Variants in TMSB15B observed in about 807,000 individuals in gnomAD.
TMSB15B encodes thymosin beta 15B.
At chrX:103,944,385 A>T (rs1332981292) in intron 1 of TMSB15B, among the ~76,000 whole-genome samples, 1 of 112,425 alleles carries the variant, frequency 8.9e-6, no homozygotes, top group Non-Finnish European at 1.9e-5. Flanking sequence ...AGTAAGTTGT[A>T]GAATCTGGAC....
chrX:103,933,901 A>G (rs1266634305), intron 1 of TMSB15B, among the ~76,000 whole-genome samples: 24 of 105,403 alleles, frequency 2.3e-4, no homozygotes, highest in Non-Finnish European at 4.7e-4. Flanking sequence ...TCTGGGGTAC[A>G]TTTGATATTT....
chrX:103,955,544 A>G (rs11092467), intron 1 of TMSB15B, among the ~76,000 whole-genome samples: 34,039 of 108,429 alleles, frequency 0.31, 4,868 homozygotes, highest in Middle Eastern at 0.51. Context: ...AGAATCTCAG[A>G]GCTTGAGGAC....
Position 103,945,524 on chromosome X carries a change from A to G in TMSB15B, c.-720-16497A>G, listed in dbSNP as rs1407993755. On this transcript the variant is annotated intron_variant, in intron 1 of 3. Transcript: ENST00000419165. ...GACTCACTCCCACCAGACTGCTTTAATCCCTTCATGAGAGTGAATCCTTAA... is the reference window on the plus strand; with the variant it reads ...GACTCACTCCCACCAGACTGCTTTAGTCCCTTCATGAGAGTGAATCCTTAA... Among the ~76,000 whole-genome samples the G allele has an allele frequency of 3.3e-4, 37 of 112,293 alleles. 1 individual carries two copies. In the Admixed American group the frequency reaches 3.5e-3, roughly 11 times the overall value.
intron 1 of TMSB15B, chrX:103,928,914 C>G: frequency 5.0e-6 from 6 of 1,206,551 alleles, no homozygotes; most frequent in Non-Finnish European, 6.7e-6. Context: ...ACCGTGGAGG[C>G]TCCCTGGTCA....
At chrX:103,953,153 G>A (rs2075042964) in intron 1 of TMSB15B, among the ~76,000 whole-genome samples, 1 of 111,199 alleles carries the variant, frequency 9.0e-6, no homozygotes, top group African/African-American at 3.3e-5. Flanking sequence ...GAAGTGGTGA[G>A]TGAATGTGTG....
intron 1 of TMSB15B, among the ~76,000 whole-genome samples, chrX:103,942,898 A>G (rs1193178134): frequency 8.9e-6 from 1 of 111,856 alleles, no homozygotes; most frequent in African/African-American, 3.2e-5. Flanking sequence ...AAAAACATAT[A>G]TCTCTTAAGA....
At chrX:103,922,432 C>G (rs1456710179) in intron 1 of TMSB15B, among the ~76,000 whole-genome samples, 10 of 102,549 alleles carry the variant, frequency 9.8e-5, no homozygotes, top group African/African-American at 3.6e-4. Flanking sequence ...GTTCAATTCC[C>G]ACCTATGAGT....
At chrX:103,939,898 C>G in intron 1 of TMSB15B, among the ~76,000 whole-genome samples, 1 of 111,837 alleles carries the variant, frequency 8.9e-6, no homozygotes, top group Non-Finnish European at 1.9e-5. Flanking sequence ...GTTGGTTTTC[C>G]TTCTATCAGG....
chrX:103,927,745 TG>T (rs2074972756), intron 1 of TMSB15B, among the ~76,000 whole-genome samples: 1 of 109,696 alleles, frequency 9.1e-6, no homozygotes, highest in Admixed American at 9.7e-5. Context: ...TCGTGAAAGT[TG>T]ATGCATTAAG....
At chrX:103,921,688 G>A (rs1377181102) in intron 1 of TMSB15B, among the ~76,000 whole-genome samples, 1 of 112,157 alleles carries the variant, frequency 8.9e-6, no homozygotes, top group Non-Finnish European at 1.9e-5. Context: ...AACCTTAGAA[G>A]CTTGAAGGTT....
At chrX:103,939,542 A>G (rs1161397614) in intron 1 of TMSB15B, among the ~76,000 whole-genome samples, 1 of 110,539 alleles carries the variant, frequency 9.0e-6, no homozygotes, top group Non-Finnish European at 1.9e-5. Flanking sequence ...GGTTTATTCT[A>G]GTTGGCAATT....
intron 1 of TMSB15B, among the ~76,000 whole-genome samples, chrX:103,922,399 T>A (rs2074956076): frequency 1.2e-5 from 1 of 83,653 alleles, no homozygotes; most frequent in East Asian, 4.4e-4. Context: ...ATGTTCCCCA[T>A]CCTGTGTCCA....
intron 1 of TMSB15B, among the ~76,000 whole-genome samples, chrX:103,926,445 G>T (rs1158712353): frequency 2.0e-4 from 15 of 73,652 alleles, no homozygotes; most frequent in Non-Finnish European, 3.7e-4. Flanking sequence ...AGAGTGGGGG[G>T]TATGAATGAG....
chrX:103,927,793 A>AGT (rs2074972914), intron 1 of TMSB15B, among the ~76,000 whole-genome samples: 1 of 110,196 alleles, frequency 9.1e-6, no homozygotes, highest in African/African-American at 3.3e-5. Context: ...CATGTTCTTC[A>AGT]AGTAATCCTT....
intron 1 of TMSB15B, among the ~76,000 whole-genome samples, chrX:103,921,276 G>C (rs2074951933): frequency 8.9e-6 from 1 of 111,853 alleles, no homozygotes; most frequent in Admixed American, 9.5e-5. Flanking sequence ...GCACACTTAG[G>C]GGTGATGGTG....
Position 103,925,838 on chromosome X carries a change from G to A in TMSB15B, c.-721+6546G>A, listed in dbSNP as rs782008019. ...GTTTATAAATGGCAGGGAGGAAGTG[G>A]AACATTATTGCGCTCTGAGGTAGAA... On this transcript the variant is annotated intron_variant, in intron 1 of 3. Coordinates refer to the TMSB15B transcript ENST00000419165. Among the ~76,000 whole-genome samples the A allele has an allele frequency of 1.5e-4, 17 of 112,163 alleles. No individual in the cohort carries two copies. The South Asian group carries it at 6.0e-3, about 40-fold the overall frequency.
chrX:103,925,558 G>T (rs1299555439), intron 1 of TMSB15B, among the ~76,000 whole-genome samples: 1 of 112,257 alleles, frequency 8.9e-6, no homozygotes, highest in Non-Finnish European at 1.9e-5. Context: ...GTATGGAGAT[G>T]ACTACAAATT....
At chrX:103,931,765 C>T (rs1277439410) in intron 1 of TMSB15B, 7 of 112,037 alleles carry the variant, frequency 6.2e-5, no homozygotes, top group African/African-American at 2.3e-4. Flanking sequence ...GGCTGGCAGC[C>T]TCTGGTTGCT....
intron 1 of TMSB15B, chrX:103,931,810 C>T (rs1414178578): frequency 8.9e-6 from 1 of 111,757 alleles, no homozygotes; most frequent in Non-Finnish European, 1.9e-5. Flanking sequence ...GAGACCAAGG[C>T]GCCATTAGAG....
Sources: gnomAD v4.1 joint callset for allele counts (sites outside exome capture counted in the v4.1 genomes callset) on GRCh38, gnomAD v4.1.1 for gene constraint, MANE v1.5 for transcripts, NCBI Gene and HGNC (gene_info 2026-07-23, HGNC 2026-07-21) for gene names.